MAPK10: variants seen among roughly 807,000 people sequenced by gnomAD.
MAPK10 encodes the protein mitogen-activated protein kinase 10.
In MAPK10, 25 loss-of-function variants were observed where a neutral mutation model predicts 59.3. The observed-to-expected ratio is 0.42, with a 90% CI of 0.31 to 0.59. The LOEUF is 0.59. MAPK10 is among the 20% of genes least tolerant of loss of function. The probability of loss-of-function intolerance (pLI) is 0.15; values close to 1 mark genes in which losing one functional copy is unlikely to be tolerated. For synonymous variants in MAPK10, 190 were observed against 200.5 expected (o/e 0.95, Z 0.44); for missense variants, 351 against 568.9 (o/e 0.62, Z 3.90).
intron 1 of MAPK10, among the ~76,000 whole-genome samples, chr4:86,527,754 T>C (rs1757579805): frequency 6.6e-6 from 1 of 152,152 alleles, no homozygotes; most frequent in African/African-American, 2.4e-5. Flanking sequence ...AGACATGGAA[T>C]TAACCTAGGT....
At chr4:86,175,161 T>A (rs1461369377) in intron 3 of MAPK10, among the ~76,000 whole-genome samples, 5 of 152,118 alleles carry the variant, frequency 3.3e-5, no homozygotes, top group Non-Finnish European at 1.5e-5. Context: ...AGAGTGGAAG[T>A]AAGAGGTTAA....
At chr4:86,044,837 GT>G (rs2042214908) in intron 11 of MAPK10, 1 of 397,018 alleles carries the variant, frequency 2.5e-6, no homozygotes, top group Non-Finnish European at 4.4e-6. Context: ...AAGTCACTCA[GT>G]TTGCAATGAA....
chr4:86,251,060 C>T (rs1397724533), intron 2 of MAPK10, among the ~76,000 whole-genome samples: 1 of 152,138 alleles, frequency 6.6e-6, no homozygotes, highest in Admixed American at 6.5e-5. Flanking sequence ...TTTGTTCCCA[C>T]ATTAGAAGCC....
At chr4:86,574,272 A>G (rs1421775047) in intron 1 of MAPK10, among the ~76,000 whole-genome samples, 3 of 151,932 alleles carry the variant, frequency 2.0e-5, no homozygotes, top group Admixed American at 6.6e-5. Context: ...TCCATGGTGT[A>G]TATGTGCCAC....
intron 1 of MAPK10, among the ~76,000 whole-genome samples, chr4:86,477,704 C>T (rs1017603448): frequency 2.6e-5 from 4 of 152,212 alleles, no homozygotes; most frequent in Non-Finnish European, 5.9e-5. Flanking sequence ...CCTGACAAGC[C>T]TTACAGGTTA....
Position 86,575,435 on chromosome 4 carries a change from G to C in MAPK10, c.-263+18475C>G, listed in dbSNP as rs974319323. ...GCTGACTAATACACACAAGTAGTTA[G>C]AACAAATGTATTTTATTTGGTCCTG... On this transcript the variant is annotated intron_variant, in intron 1 of 4. Transcript: ENST00000502302. 2.6e-5 allele frequency among the ~76,000 whole-genome samples: 4 copies of C among 152,068 alleles called. No individual in the cohort carries two copies. The East Asian group carries it at 7.8e-4, about 29-fold the overall frequency.
At chr4:86,049,194 T>A (rs1258239562) in intron 11 of MAPK10, among the ~76,000 whole-genome samples, 2 of 152,040 alleles carry the variant, frequency 1.3e-5, no homozygotes, top group Admixed American at 1.3e-4. Context: ...ATACCCCACA[T>A]GAAGAATCAT....
chr4:86,210,260 GC>G (rs2085401892), intron 2 of MAPK10, among the ~76,000 whole-genome samples: 1 of 151,882 alleles, frequency 6.6e-6, no homozygotes, highest in South Asian at 2.1e-4. Context: ...GGCAACCAAA[GC>G]AAAAATAGAC....
chr4:86,504,547 T>C (rs1266611488), intron 1 of MAPK10, among the ~76,000 whole-genome samples: 2 of 152,188 alleles, frequency 1.3e-5, no homozygotes, highest in Admixed American at 6.5e-5. Context: ...AATTTTTTCT[T>C]ATTAACAAGG....
chr4:86,337,080 C>T (rs752050122), intron 2 of MAPK10, among the ~76,000 whole-genome samples: 2 of 152,120 alleles, frequency 1.3e-5, no homozygotes, highest in African/African-American at 2.4e-5. Context: ...TGAGCCACCA[C>T]GCCTGGCCAG....
intron 2 of MAPK10, among the ~76,000 whole-genome samples, chr4:86,206,248 G>T (rs146222606): frequency 1.3e-5 from 2 of 150,318 alleles, no homozygotes; most frequent in African/African-American, 4.9e-5. Flanking sequence ...TCCTGTGTCC[G>T]TGTGTTCGCA....
chr4:86,030,307 A>AT (rs960493821), intron 12 of MAPK10, among the ~76,000 whole-genome samples: 1 of 151,942 alleles, frequency 6.6e-6, no homozygotes, highest in East Asian at 1.9e-4. Context: ...ATCTTTTAAA[A>AT]TTTTTTTATT....
chr4:86,528,535 G>A (rs1384329870), intron 1 of MAPK10, among the ~76,000 whole-genome samples: 1 of 152,040 alleles, frequency 6.6e-6, no homozygotes, highest in African/African-American at 2.4e-5. Flanking sequence ...AATATTTTGA[G>A]GGGGTTCTTT....
At chr4:86,394,515 G>A (rs1282429168) in intron 1 of MAPK10, among the ~76,000 whole-genome samples, 1 of 151,754 alleles carries the variant, frequency 6.6e-6, no homozygotes, top group African/African-American at 2.4e-5. Flanking sequence ...ATTGTTTTTT[G>A]CTACAAATAA....
chr4:86,578,003 C>T (rs540947707), intron 1 of MAPK10, among the ~76,000 whole-genome samples: 1 of 151,970 alleles, frequency 6.6e-6, no homozygotes, highest in Admixed American at 6.6e-5. Flanking sequence ...ATTATTAATA[C>T]CTATATTAAT....
At chr4:86,080,142 A>G (rs1386964600) in intron 9 of MAPK10, 1 of 152,086 alleles carries the variant, frequency 6.6e-6, no homozygotes, top group Non-Finnish European at 1.5e-5. Flanking sequence ...AGTTTTGTAC[A>G]CACATAATAT....
intron 2 of MAPK10, among the ~76,000 whole-genome samples, chr4:86,278,761 C>T (rs1047746911): frequency 1.3e-5 from 2 of 152,026 alleles, no homozygotes; most frequent in African/African-American, 4.8e-5. Context: ...AAAGTCCTTC[C>T]CCCAAATTCA....
At chr4:86,475,840 A>T (rs1214886180) in intron 1 of MAPK10, among the ~76,000 whole-genome samples, 1 of 150,596 alleles carries the variant, frequency 6.6e-6, no homozygotes, top group Non-Finnish European at 1.5e-5. Context: ...GGCAGCCTTC[A>T]CCCCTCCATT....
intron 1 of MAPK10, among the ~76,000 whole-genome samples, chr4:86,467,938 C>G (rs1034599167): frequency 1.3e-5 from 2 of 152,190 alleles, no homozygotes; most frequent in East Asian, 1.9e-4. Context: ...CCCTTGCTTA[C>G]CTTGCAACGA....
Sources: allele counts gnomAD v4.1 joint callset (sites outside exome capture counted in the v4.1 genomes callset), GRCh38; gene constraint gnomAD v4.1.1; transcripts MANE v1.5; gene names NCBI Gene and HGNC (gene_info 2026-07-23, HGNC 2026-07-21).